Variants in HAPLN1 observed in about 807,000 individuals in gnomAD.
The protein encoded by HAPLN1 is Cartilage link protein.
A neutral mutation model predicts 36.5 loss-of-function variants in HAPLN1; 13 were observed. That is an observed-to-expected ratio of 0.36 (90% CI 0.23 to 0.57). The LOEUF (loss-of-function observed/expected upper bound fraction) is 0.57. Among genes scored for constraint, HAPLN1 ranks in the 20% least tolerant of loss-of-function variants. HAPLN1 has a pLI of 0.83. For missense variants in HAPLN1, 407 were observed against 439.7 expected (o/e 0.93, Z 0.66); for synonymous variants, 202 against 169.8 (o/e 1.19, Z -1.48).
chr5:83,640,432 A>G lies in HAPLN1; in HGVS notation c.*1064T>C, dbSNP rs1322709697. On this transcript the variant is annotated 3_prime_UTR_variant, in exon 5 of 5. Coordinates refer to ENST00000274341, the MANE Select transcript of HAPLN1 (RefSeq NM_001884.4). ...TTGACTTTTCCCCCCAAACACAGGC[A>G]CTGGTTGGGTTCTCTCGTGTATATA... 2.0e-5 allele frequency: 3 copies of G among 152,108 alleles called. No individual in the cohort carries two copies. The highest frequency in any genetic ancestry group is 7.2e-5 in the African/African-American group (3 of 41,428). 9.4% of individuals were successfully genotyped at this position (152,108 alleles called of 1,614,324 possible).
intron 3 of HAPLN1, among the ~76,000 whole-genome samples, chr5:83,648,359 G>C (rs1366503370): frequency 3.1e-5 from 4 of 130,560 alleles, no homozygotes; most frequent in Admixed American, 8.4e-5. Flanking sequence ...GGTACTCTAG[G>C]ATATAGGTAT....
At chr5:83,719,573 C>A (rs551141632) in intron 1 of HAPLN1, among the ~76,000 whole-genome samples, 15 of 152,190 alleles carry the variant, frequency 9.9e-5, no homozygotes, top group African/African-American at 3.6e-4. Flanking sequence ...GGAAGAGAAA[C>A]TTTCATTTTT....
At chr5:83,657,351 G>GC (rs1750249860) in intron 2 of HAPLN1, among the ~76,000 whole-genome samples, 2 of 152,124 alleles carry the variant, frequency 1.3e-5, no homozygotes, top group African/African-American at 2.4e-5. Context: ...ACCTGCCTCA[G>GC]CCTCCCAAAG....
rs539790396 is a variant in HAPLN1 at position 83,688,642 on chromosome 5, CTTTTTTTTTTTT to C, written c.-26-15105_-26-15094del. ...TATTTGCCAAATGCAGCTTTTGATT[CTTTTTTTTTTTT>C]TTTTTTTTTTTTTTTTTCACTTTGG... On this transcript the variant is annotated intron_variant, in intron 1 of 4. Coordinates refer to ENST00000274341, the MANE Select transcript of HAPLN1 (RefSeq NM_001884.4). Among the ~76,000 whole-genome samples the C allele has an allele frequency of 3.8e-3, 306 of 80,604 alleles. 4 individuals carry two copies. The highest frequency in any genetic ancestry group is 0.014 in the African/African-American group (266 of 19,122). 52.9% of individuals were successfully genotyped at this position (80,604 alleles called of 152,430 possible). A position where few individuals can be genotyped will look rare whatever the true frequency, so the allele number is the denominator to read the frequency against.
intron 3 of HAPLN1, chr5:83,652,170 T>C: frequency 1.1e-5 from 4 of 380,934 alleles, no homozygotes; most frequent in Non-Finnish European, 1.9e-5. Context: ...TTAGATGATT[T>C]TGAATAACAT....
intron 2 of HAPLN1, among the ~76,000 whole-genome samples, chr5:83,659,323 C>T (rs1217067286): frequency 6.6e-6 from 1 of 151,844 alleles, no homozygotes; most frequent in Non-Finnish European, 1.5e-5. Context: ...TTGCTTTCAC[C>T]TGGAAGTTTA....
chr5:83,680,664 C>T (rs997065323), intron 1 of HAPLN1, among the ~76,000 whole-genome samples: 1 of 152,122 alleles, frequency 6.6e-6, no homozygotes, highest in African/African-American at 2.4e-5. Context: ...TTATCTTCCC[C>T]TGTGTTTATC....
intron 1 of HAPLN1, among the ~76,000 whole-genome samples, chr5:83,719,279 CCTGTCGAGAATA>C (rs1277678960): frequency 2.6e-5 from 4 of 152,204 alleles, no homozygotes; most frequent in Non-Finnish European, 5.9e-5. Flanking sequence ...ATAAGGCATT[CCTGTCGAGAATA>C]CTGGCCTCTG....
intron 1 of HAPLN1, among the ~76,000 whole-genome samples, chr5:83,692,678 C>G (rs1296130042): frequency 6.6e-6 from 1 of 151,826 alleles, no homozygotes; most frequent in Admixed American, 6.6e-5. Context: ...TGGATTTATG[C>G]AAAGAATGAA....
intron 1 of HAPLN1, among the ~76,000 whole-genome samples, chr5:83,684,234 T>C (rs983601523): frequency 6.6e-6 from 1 of 152,126 alleles, no homozygotes; most frequent in Non-Finnish European, 1.5e-5. Flanking sequence ...ACCTAAATTA[T>C]GTACTGTGCC....
Position 83,667,513 on chromosome 5 carries a change from T to C in HAPLN1, c.100+5911A>G, listed in dbSNP as rs540349539. Among the ~76,000 whole-genome samples the C allele has an allele frequency of 1.8e-4, 27 of 152,294 alleles. No individual in the cohort carries two copies. The South Asian group carries it at 3.5e-3, about 20-fold the overall frequency. On this transcript the variant is annotated intron_variant, in intron 2 of 4. Coordinates refer to ENST00000274341, the MANE Select transcript of HAPLN1 (RefSeq NM_001884.4). Reference sequence around the variant, plus strand: ...CTGTGATTTATAAAATATTTGTAGATATTTTTCCTGGTATTTGTAGATTTT... The same window carrying C: ...CTGTGATTTATAAAATATTTGTAGACATTTTTCCTGGTATTTGTAGATTTT...
At chr5:83,695,582 A>C (rs1232887575) in intron 1 of HAPLN1, among the ~76,000 whole-genome samples, 1 of 146,924 alleles carries the variant, frequency 6.8e-6, no homozygotes, top group African/African-American at 2.5e-5. Flanking sequence ...AAATATATAT[A>C]GAGATAAATA....
intron 2 of HAPLN1, among the ~76,000 whole-genome samples, chr5:83,655,753 T>C (rs1045070993): frequency 6.6e-6 from 1 of 152,152 alleles, no homozygotes; most frequent in African/African-American, 2.4e-5. Context: ...AGTGGTCTAT[T>C]GCAGGCTCTC....
chr5:83,678,126 G>A (rs1750902089), intron 1 of HAPLN1, among the ~76,000 whole-genome samples: 1 of 151,954 alleles, frequency 6.6e-6, no homozygotes, highest in Admixed American at 6.6e-5. Context: ...GTGGGTTTGA[G>A]CTTCTGAGAC....
At position 83,638,184 on chromosome 5, in the gene HAPLN1, G is replaced by T. The variant is rs1302049827; in HGVS notation, c.*3312C>A. The stretch of plus-strand genomic sequence containing the variant: ...ATAGCTAAGATTCTACAACTCAGAA[G>T]AATTAAAAGATACTGCAGTAACACA... On this transcript the variant is annotated 3_prime_UTR_variant, in exon 5 of 5. Transcript: ENST00000274341. 1 of 151,758 alleles carries T rather than the reference G, an allele frequency of 6.6e-6. No homozygotes were observed. Among genetic ancestry groups the T allele is most frequent in the East Asian group, 1.9e-4 (1 of 5,176 alleles). The allele number at this position is 151,758 out of a possible 1,614,324, so 9.4% of individuals were successfully genotyped here. A position where few individuals can be genotyped will look rare whatever the true frequency, so the allele number is the denominator to read the frequency against.
intron 1 of HAPLN1, among the ~76,000 whole-genome samples, chr5:83,713,669 A>G (rs1184733886): frequency 2.0e-5 from 3 of 152,170 alleles, no homozygotes; most frequent in Admixed American, 1.3e-4. Context: ...TTCTTCCTAA[A>G]TTAGACTAAT....
Position 83,652,664 on chromosome 5 carries a change from A to G in HAPLN1, c.261T>C (p.Asp87=). 6.2e-7 allele frequency: 1 copy of G among 1,614,096 alleles called. No individual in the cohort carries two copies. Among genetic ancestry groups the G allele is most frequent in the Non-Finnish European group, 8.5e-7 (1 of 1,179,996 alleles). Residue 87 remains aspartate (D), a synonymous_variant, in exon 3 of 5, where the codon GAT becomes GAC. Coordinates refer to ENST00000274341, the MANE Select transcript of HAPLN1 (RefSeq NM_001884.4). ...CAAAAACATCCACTTCCTTGAGGTA[A>G]TCCGAAGTTAGCTTGGTCCACTTAA... is the stretch of plus-strand genomic sequence containing the variant. ...IRIKWTKLTS[D]YLKEVDVFVS... is the part of the protein sequence containing the mutation.
rs758542936 is a variant in HAPLN1 at position 83,644,507 on chromosome 5, T to C, written c.631A>G (p.Ser211Gly). ...GLDWCNAGWL[S>G]DGSVQYPITK... ...ATGGGATATTGCACAGAGCCATCAC[T>C]GAGCCAGCCGGCATTGCACCAGTCC... The change falls in exon 4 of 5, where the codon AGT becomes GGT. Residue 211 changes from serine (S) to glycine (G), a missense_variant. Physicochemically the swap from Ser to Gly is moderately conservative, Grantham distance 56 (BLOSUM62 0). Coordinates refer to ENST00000274341, the MANE Select transcript of HAPLN1 (RefSeq NM_001884.4). 3.1e-6 allele frequency: 5 copies of C among 1,611,904 alleles called. No homozygotes were observed. In the South Asian group the frequency reaches 3.3e-5, roughly 11 times the overall value.
intron 2 of HAPLN1, among the ~76,000 whole-genome samples, chr5:83,663,873 C>G (rs1025056221): frequency 2.0e-5 from 3 of 150,956 alleles, no homozygotes; most frequent in African/African-American, 7.3e-5. Flanking sequence ...TCCCTGCCAC[C>G]ATGATTTCTC....
Sources: gnomAD v4.1 joint callset for allele counts (sites outside exome capture counted in the v4.1 genomes callset) on GRCh38, gnomAD v4.1.1 for gene constraint, MANE v1.5 for transcripts, NCBI Gene and HGNC (gene_info 2026-07-23, HGNC 2026-07-21) for gene names.